FHIP1B: variants seen among roughly 807,000 people sequenced by gnomAD.
FHIP1B encodes the protein FHF complex subunit HOOK-interacting protein 1B.
FHIP1B carries 28 observed loss-of-function variants against 82.2 expected under a neutral mutation model. The observed-to-expected ratio is 0.34, with a 90% CI of 0.25 to 0.47. The LOEUF is 0.47. Among genes scored for constraint, FHIP1B ranks in the 20% least tolerant of loss-of-function variants. The pLI is 1.00. For missense variants in FHIP1B, 1,110 were observed against 1,262.6 expected (o/e 0.88, Z 1.83); for synonymous variants, 585 against 516.1 (o/e 1.13, Z -1.81).
intron 1 of FHIP1B, among the ~76,000 whole-genome samples, chr11:6,233,401 C>A (rs1307195137): frequency 6.6e-6 from 1 of 152,098 alleles, no homozygotes; most frequent in East Asian, 1.9e-4. Flanking sequence ...CAGAATTTCA[C>A]GTGCATTTGG....
rs372504079 is a variant in FHIP1B at position 6,218,080 on chromosome 11, C to A, written c.1506G>T (p.Leu502=). Residue 502 remains leucine, a synonymous_variant, in exon 9 of 12, where the codon CTG becomes CTT. Coordinates refer to ENST00000449352, the MANE Select transcript of FHIP1B (RefSeq NM_001098794.2). ...GGCTCTGCTGCCGCAGGAAGAGAGC[C>A]AGACGAGATGGTGTGGAGGGCCGGG... The part of the protein sequence containing the change: ...TVPRPSTPSR[L]ALFLRQQSLG... 292 of 1,613,654 alleles carry A rather than the reference C, an allele frequency of 1.8e-4. No homozygotes were observed. Among genetic ancestry groups the A allele is most frequent in the Non-Finnish European group, 2.3e-4 (274 of 1,179,858 alleles).
At chr11:6,214,003 T>C (rs951424336) in intron 11 of FHIP1B, among the ~76,000 whole-genome samples, 1 of 113,212 alleles carries the variant, frequency 8.8e-6, no homozygotes, top group African/African-American at 3.5e-5. Flanking sequence ...TTAAATCCCC[T>C]ACTCCAACTA....
chr11:6,224,583 C>T lies in FHIP1B; in HGVS notation c.-67G>A. 6.6e-7 allele frequency: 1 copy of T among 1,510,238 alleles called. No homozygotes were observed. 93.6% of individuals were successfully genotyped at this position (1,510,238 alleles called of 1,614,324 possible). ...TGAGGATTTGCCAGCTGGAGGTTTT[C>T]TCCACTTGTGTCTCCAGTCTGCTTC... On this transcript the variant is annotated 5_prime_UTR_variant, in exon 2 of 12. Coordinates refer to ENST00000449352, the MANE Select transcript of FHIP1B (RefSeq NM_001098794.2).
chr11:6,213,288 CCTT>C (rs1166405019), intron 11 of FHIP1B, among the ~76,000 whole-genome samples: 2 of 152,198 alleles, frequency 1.3e-5, no homozygotes, highest in South Asian at 4.1e-4. Context: ...TATCATTTTG[CCTT>C]CTACTTCGAT....
At chr11:6,214,613 G>A (rs896640641) in intron 10 of FHIP1B, 40 bp from the exon 11 acceptor site, 3 of 1,583,504 alleles carry the variant, frequency 1.9e-6, no homozygotes, top group Middle Eastern at 1.7e-4. Flanking sequence ...AGCAGCTCTA[G>A]ACTGATACAG....
rs140222037 is a variant in FHIP1B at position 6,217,996 on chromosome 11, G to A, written c.1590C>T (p.Pro530=). 70 of 1,613,502 alleles carry A rather than the reference G, an allele frequency of 4.3e-5. No individual in the cohort carries two copies. In the East Asian group the frequency reaches 4.5e-4, roughly 10 times the overall value. ...TAGGCCGTCGGCCAGGGCTGGAGGCGGGGGATGCAGAAAGCCCTGGTGAGC... is the reference window on the plus strand; with the variant it reads ...TAGGCCGTCGGCCAGGGCTGGAGGCAGGGGATGCAGAAAGCCCTGGTGAGC... ...APCSPGLSAS[P]ASSPGRRPTP... Residue 530 remains proline, a synonymous_variant, in exon 9 of 12, where the codon CCC becomes CCT. Coordinates refer to ENST00000449352, the MANE Select transcript of FHIP1B (RefSeq NM_001098794.2).
At position 6,219,158 on chromosome 11, in the gene FHIP1B, C is replaced by T. The variant is rs899906572; in HGVS notation, c.1192-108G>A. On this transcript the variant is annotated intron_variant, in intron 6 of 11. Coordinates refer to ENST00000449352, the MANE Select transcript of FHIP1B (RefSeq NM_001098794.2). Reference sequence around the variant, plus strand: ...CCCCAAGTTGGCCCAACCAACCACTCCTAGAGGAACTCCTAGAGGACCATG... The same window carrying T: ...CCCCAAGTTGGCCCAACCAACCACTTCTAGAGGAACTCCTAGAGGACCATG... 4 of 739,752 alleles carry T rather than the reference C, an allele frequency of 5.4e-6. No individual in the cohort carries two copies. The African/African-American group carries it at 7.0e-5, about 13-fold the overall frequency. 45.8% of individuals were successfully genotyped at this position (739,752 alleles called of 1,614,324 possible). A position where few individuals can be genotyped will look rare whatever the true frequency, so the allele number is the denominator to read the frequency against.
chr11:6,214,315 C>T (rs1847160913), intron 11 of FHIP1B, 96 bp downstream of exon 11: 3 of 1,408,108 alleles, frequency 2.1e-6, no homozygotes, highest in East Asian at 2.3e-5. Flanking sequence ...TCACTAGGTC[C>T]TGGCACAACA....
intron 1 of FHIP1B, 30 bp from the exon 2 acceptor site, chr11:6,224,737 T>A (rs1019487392): frequency 1.5e-5 from 8 of 547,074 alleles, no homozygotes; most frequent in Admixed American, 1.4e-4. Context: ...ATGGAAGGGA[T>A]AAATAGAAGC....
At chr11:6,215,297 T>A (rs1409190627) in intron 9 of FHIP1B, 1 of 163,776 alleles carries the variant, frequency 6.1e-6, no homozygotes, top group Non-Finnish European at 1.3e-5. Context: ...ATCAAAGAGT[T>A]ATCAATATAA....
At chr11:6,217,240 C>G (rs1261725624) in intron 9 of FHIP1B, 131 bp downstream of exon 9, 1 of 795,414 alleles carries the variant, frequency 1.3e-6, no homozygotes, top group African/African-American at 1.7e-5. Flanking sequence ...GGAAGTGATG[C>G]AAGCAGGATG....
At chr11:6,231,971 TGAA>T (rs1847711216) in intron 1 of FHIP1B, among the ~76,000 whole-genome samples, 2 of 152,226 alleles carry the variant, frequency 1.3e-5, no homozygotes, top group South Asian at 4.1e-4. Flanking sequence ...GACTATATGT[TGAA>T]GAAGTATTTG....
chr11:6,220,710 C>T (rs1847382719), intron 6 of FHIP1B, among the ~76,000 whole-genome samples: 1 of 152,064 alleles, frequency 6.6e-6, no homozygotes, highest in Non-Finnish European at 1.5e-5. Flanking sequence ...CTCCTAAGAC[C>T]AGGGGACCAA....
At chr11:6,233,486 A>G (rs192155342) in intron 1 of FHIP1B, among the ~76,000 whole-genome samples, 130 of 152,338 alleles carry the variant, frequency 8.5e-4, no homozygotes, top group African/African-American at 2.8e-3. Flanking sequence ...AGGAAGAGAT[A>G]AATTTTCAGG....
Position 6,213,419 on chromosome 11 carries a change from C to T in FHIP1B, c.2557+992G>A, listed in dbSNP as rs145654136. ...TCCTCAAAGGGAGAAAAACAAAAAG[C>T]CTTTTCCTGTCCAAAGTTAATCTTT... On this transcript the variant is annotated intron_variant, in intron 11 of 11. Transcript: ENST00000449352. Among the ~76,000 whole-genome samples, 560 of 152,312 alleles carry T rather than the reference C, an allele frequency of 3.7e-3. 4 individuals carry two copies. The highest frequency in any genetic ancestry group is 3.4e-3 in the Non-Finnish European group (229 of 68,036).
chr11:6,222,936 A>G (rs1345345376), intron 4 of FHIP1B, 39 bp from the exon 5 acceptor site: 2 of 1,602,996 alleles, frequency 1.2e-6, no homozygotes, highest in African/African-American at 2.7e-5. Context: ...GGTTATGAGG[A>G]GACCACTGCC....
Position 6,214,426 on chromosome 11 carries a change from G to A in FHIP1B, c.2542C>T (p.Arg848Cys), listed in dbSNP as rs117940741. The A allele has an allele frequency of 6.2e-3, 10,028 of 1,611,658 alleles. 52 individuals carry two copies. The highest frequency in any genetic ancestry group is 7.6e-3 in the Non-Finnish European group (8,971 of 1,178,926). ...TAGGCCTCACCTAGGGGATCAGAAC[G>A]GCGTGGGGCAGGTCCTGCTGCAGGG... Reference protein sequence around the residue: ...EGPAAGPAPRRSDPLVKSRRP... With the variant: ...EGPAAGPAPRCSDPLVKSRRP... The change falls in exon 11 of 12, where the codon CGT (arginine) becomes TGT (cysteine). Residue 848 changes from arginine to cysteine, a missense_variant. By Grantham distance (180) the Arg-to-Cys change is radical. Around this residue, in one of 6 missense-constraint regions of FHIP1B, gnomAD observed 147 missense variants for 154.0 expected, o/e 0.95. Transcript: ENST00000449352.
chr11:6,230,934 A>G (rs942026196), intron 1 of FHIP1B, among the ~76,000 whole-genome samples: 1 of 152,248 alleles, frequency 6.6e-6, no homozygotes, highest in Non-Finnish European at 1.5e-5. Context: ...GAGACTGGAG[A>G]GGTAAGCTGA....
intron 11 of FHIP1B, 72 bp from the exon 12 acceptor site, chr11:6,211,939 C>A (rs1170764481): frequency 4.1e-6 from 6 of 1,480,118 alleles, no homozygotes; most frequent in Non-Finnish European, 4.4e-6. Context: ...GGGGAGATTC[C>A]CCCACCCCCT....
Sources: allele counts gnomAD v4.1 joint callset (sites outside exome capture counted in the v4.1 genomes callset), GRCh38; gene constraint gnomAD v4.1.1; regional missense constraint gnomAD v4.1.1; transcripts MANE v1.5; gene names NCBI Gene and HGNC (gene_info 2026-07-23, HGNC 2026-07-21).